PTPRN2: variants seen among roughly 807,000 people sequenced by gnomAD.
PTPRN2 encodes protein tyrosine phosphatase receptor type N2.
PTPRN2 carries 74 observed loss-of-function variants against 118.8 expected under a neutral mutation model. That is an observed-to-expected ratio of 0.62 (90% CI 0.52 to 0.76). The LOEUF is 0.76. Among genes scored for constraint, PTPRN2 ranks in the 30% least tolerant of loss-of-function variants. The pLI is 0.00. For synonymous variants in PTPRN2, 641 were observed against 608.0 expected, an observed-to-expected ratio of 1.05 and a Z score of -0.80; for missense variants, 1,481 against 1,394.4, an observed-to-expected ratio of 1.06 and a Z score of -0.99.
At chr7:158,578,630 T>C (rs1563452882) in intron 1 of PTPRN2, among the ~76,000 whole-genome samples, 1 of 152,042 alleles carries the variant, frequency 6.6e-6, no homozygotes, top group Non-Finnish European at 1.5e-5. Flanking sequence ...GGGTTTATGA[T>C]GATCCTGTCA....
intron 15 of PTPRN2, among the ~76,000 whole-genome samples, chr7:157,605,512 C>T (rs1801951973): frequency 6.6e-6 from 1 of 152,232 alleles, no homozygotes; most frequent in East Asian, 1.9e-4. Context: ...TGTGCTACAG[C>T]TCTTCTAGCC....
At chr7:158,383,922 A>C (rs1376478497) in intron 2 of PTPRN2, among the ~76,000 whole-genome samples, 1 of 152,232 alleles carries the variant, frequency 6.6e-6, no homozygotes, top group Non-Finnish European at 1.5e-5. Flanking sequence ...TATGCTCCGG[A>C]AAGCGTGATC....
intron 13 of PTPRN2, among the ~76,000 whole-genome samples, 165 bp from the exon 14 acceptor site, chr7:157,656,716 C>G (rs190722763): frequency 6.6e-6 from 1 of 152,066 alleles, no homozygotes; most frequent in Non-Finnish European, 1.5e-5. Context: ...TGACGGTCAA[C>G]GCACCCCAAA....
Position 157,986,607 on chromosome 7 carries a change from G to A in PTPRN2, c.1724-87870C>T, listed in dbSNP as rs1803809001. Among the ~76,000 whole-genome samples the A allele has an allele frequency of 6.6e-6, 1 of 151,992 alleles. No individual in the cohort carries two copies. The highest frequency in any genetic ancestry group is 2.1e-4 in the South Asian group (1 of 4,802). ...CTATTCAGACATCACGCTTCCTTTCGTCCTCACTCAAAATTCCCATTCACT... is the reference window on the plus strand; with the variant it reads ...CTATTCAGACATCACGCTTCCTTTCATCCTCACTCAAAATTCCCATTCACT... On this transcript the variant is annotated intron_variant, in intron 11 of 22. Transcript: ENST00000389418. This position sits in a 1 kb window ranked among gnomAD's most constrained non-coding sequence, Gnocchi z 4.5.
At chr7:157,846,671 C>A (rs1385009405) in intron 12 of PTPRN2, among the ~76,000 whole-genome samples, 1 of 151,242 alleles carries the variant, frequency 6.6e-6, no homozygotes, top group East Asian at 2.0e-4. Flanking sequence ...CTCCATCATG[C>A]GTGCCCGATG....
intron 5 of PTPRN2, among the ~76,000 whole-genome samples, chr7:158,174,640 C>G (rs1170549444): frequency 6.6e-6 from 1 of 152,202 alleles, no homozygotes; most frequent in African/African-American, 2.4e-5. Context: ...AGATGTGGCC[C>G]TGTCCTCAAA....
At chr7:158,211,545 C>A (rs1291305334) in intron 3 of PTPRN2, among the ~76,000 whole-genome samples, 1 of 152,046 alleles carries the variant, frequency 6.6e-6, no homozygotes, top group Non-Finnish European at 1.5e-5. Flanking sequence ...TTTAAATGGG[C>A]AAATAGATAT....
At chr7:157,855,804 C>T (rs573486179) in intron 12 of PTPRN2, 2 of 152,270 alleles carry the variant, frequency 1.3e-5, no homozygotes, top group Non-Finnish European at 2.9e-5. Flanking sequence ...AAAACTAACG[C>T]CCTCTATGAT....
intron 1 of PTPRN2, among the ~76,000 whole-genome samples, chr7:158,520,815 C>A (rs561519056): frequency 6.6e-6 from 1 of 152,304 alleles, no homozygotes; most frequent in African/African-American, 2.4e-5. Flanking sequence ...ACAGTGAGCA[C>A]GTCCTGGTTT....
At chr7:158,146,449 T>A (rs1364510779) in intron 6 of PTPRN2, among the ~76,000 whole-genome samples, 1 of 152,026 alleles carries the variant, frequency 6.6e-6, no homozygotes, top group East Asian at 1.9e-4. Context: ...AGGCTGGGCT[T>A]GGTGGCTCAC....
At chr7:158,559,431 C>T (rs981567029) in intron 1 of PTPRN2, among the ~76,000 whole-genome samples, 2 of 152,204 alleles carry the variant, frequency 1.3e-5, no homozygotes, top group African/African-American at 2.4e-5. Flanking sequence ...CCCAGCCTGG[C>T]AGGACTCCAC....
At position 157,578,081 on chromosome 7, in the gene PTPRN2, G is replaced by A. The variant is rs1800152698; in HGVS notation, c.2556C>T (p.Gly852=). ...GCCAGTAGTGGTAGCACTGCCGGAC[G>A]CCGTTCTCCGCGAGGGGTGTCAGCA... ...IVMLTPLAEN[G]VRQCYHYWPD... The change falls in exon 18 of 23, where the codon GGC becomes GGT. Residue 852 remains glycine, a synonymous_variant. Transcript: ENST00000389418. 1.9e-6 allele frequency: 3 copies of A among 1,613,438 alleles called. No homozygotes were observed. The highest frequency in any genetic ancestry group is 1.7e-5 in the Admixed American group (1 of 60,004).
intron 12 of PTPRN2, among the ~76,000 whole-genome samples, chr7:157,695,127 T>C (rs564902712): frequency 6.6e-6 from 1 of 152,224 alleles, no homozygotes; most frequent in African/African-American, 2.4e-5. Context: ...TCATTTTCAA[T>C]TTAAGGAACA....
chr7:158,441,052 T>C (rs913725402), intron 2 of PTPRN2, among the ~76,000 whole-genome samples: 3 of 53,812 alleles, frequency 5.6e-5, no homozygotes, highest in African/African-American at 9.5e-5. Flanking sequence ...GTGATGGTGG[T>C]AGTGATGGGG....
At chr7:158,569,219 G>C (rs557771054) in intron 1 of PTPRN2, among the ~76,000 whole-genome samples, 1 of 152,284 alleles carries the variant, frequency 6.6e-6, no homozygotes, top group South Asian at 2.1e-4. Context: ...GGAATGCAGC[G>C]TTTCCACGGG....
intron 3 of PTPRN2, among the ~76,000 whole-genome samples, chr7:158,269,175 A>G (rs1164530563): frequency 6.6e-6 from 1 of 152,074 alleles, no homozygotes; most frequent in Non-Finnish European, 1.5e-5. Context: ...AAAATGCCCC[A>G]AAGGGGCCTC....
chr7:157,678,820 A>T (rs920218195), intron 13 of PTPRN2, among the ~76,000 whole-genome samples: 2 of 152,190 alleles, frequency 1.3e-5, no homozygotes, highest in Non-Finnish European at 2.9e-5. Flanking sequence ...ATGTCGGGGA[A>T]GGGAGAGTGG....
At chr7:158,548,091 A>C (rs1826416323) in intron 1 of PTPRN2, among the ~76,000 whole-genome samples, 1 of 152,150 alleles carries the variant, frequency 6.6e-6, no homozygotes, top group Non-Finnish European at 1.5e-5. Context: ...CTCGGCTCAG[A>C]CTCAAAGCGG....
At chr7:157,883,905 A>G (rs1378330825) in intron 12 of PTPRN2, among the ~76,000 whole-genome samples, 1 of 151,182 alleles carries the variant, frequency 6.6e-6, no homozygotes, top group Admixed American at 6.6e-5. Context: ...ACTGTTGGAG[A>G]TCAGAAAACA....
Sources: gnomAD v4.1 joint callset for allele counts (sites outside exome capture counted in the v4.1 genomes callset) on GRCh38, gnomAD v4.1.1 for gene constraint, Gnocchi (gnomAD v3.1) non-coding constraint, MANE v1.5 for transcripts, NCBI Gene and HGNC (gene_info 2026-07-23, HGNC 2026-07-21) for gene names.